TADA3: variants seen among roughly 807,000 people sequenced by gnomAD.
TADA3 encodes transcriptional adapter 3.
Under a neutral mutation model 43.2 loss-of-function variants are expected in TADA3, and 25 were observed. The ratio of observed to expected loss-of-function variants is 0.58; its 90% CI spans 0.42 to 0.81. TADA3 has a LOEUF of 0.81. Among genes scored for constraint, TADA3 ranks in the 30% least tolerant of loss-of-function variants. The pLI is 0.00. For missense variants in TADA3, 441 were observed against 567.8 expected (o/e 0.78, Z 2.27); for synonymous variants, 235 against 225.5 (o/e 1.04, Z -0.38).
chr3:9,787,430 C>T, intron 4 of TADA3, 90 bp from the exon 5 acceptor site: 1 of 1,497,186 alleles, frequency 6.7e-7, no homozygotes, highest in Non-Finnish European at 8.9e-7. Context: ...TTATATCTCT[C>T]TCAAGTCCCT....
chr3:9,791,634 G>A, intron 1 of TADA3, 141 bp from the exon 2 acceptor site: 1 of 577,002 alleles, frequency 1.7e-6, no homozygotes. Flanking sequence ...TACTCACAGG[G>A]CACTTAACTG....
Position 9,789,701 on chromosome 3 carries a change from C to G in TADA3, c.458+12G>C. The G allele has an allele frequency of 1.2e-6, 2 of 1,611,082 alleles. No individual in the cohort carries two copies. The highest frequency in any genetic ancestry group is 1.7e-6 in the Non-Finnish European group (2 of 1,177,828). On this transcript the variant is annotated intron_variant, in intron 3 of 8. Transcript: ENST00000301964. ...ACCTTGAGGCCCCCTTCTATGTTCT[C>G]TAGCCCAGAACCTGTTGGGGGCATC...
intron 4 of TADA3, 171 bp from the exon 5 acceptor site, chr3:9,787,511 T>G (rs2078644086): frequency 1.9e-6 from 2 of 1,051,192 alleles, no homozygotes; most frequent in Non-Finnish European, 2.7e-6. Flanking sequence ...TACTTCACAC[T>G]CTAGTAAGGG....
chr3:9,791,240 C>A lies in TADA3; in HGVS notation c.207+20G>T. On this transcript the variant is annotated intron_variant, in intron 2 of 8. Transcript: ENST00000301964. ...TGTTGCAGTCCATCTCTGGTGCTGGCCCCTCTCTGGGGTTATCACCTGGGT... is the reference window on the plus strand; with the variant it reads ...TGTTGCAGTCCATCTCTGGTGCTGGACCCTCTCTGGGGTTATCACCTGGGT... 1 of 1,602,228 alleles carries A rather than the reference C, an allele frequency of 6.2e-7. No homozygotes were observed. The highest frequency in any genetic ancestry group is 8.5e-7 in the Non-Finnish European group (1 of 1,174,170).
rs1303480280 is a variant in TADA3, at chr3:9,780,337, G to C, written c.*20C>G. 2 of 1,600,402 alleles carry C rather than the reference G, an allele frequency of 1.2e-6. No individual in the cohort carries two copies. Among genetic ancestry groups the C allele is most frequent in the South Asian group, 2.2e-5 (2 of 90,602 alleles). On this transcript the variant is annotated 3_prime_UTR_variant, in exon 9 of 9. Transcript: ENST00000301964. ...TCCCCTCCCCTAGGCCAGATAATCA[G>C]CCTGAGGCAGGGGTGAGGGCTACCC...
chr3:9,789,799 T>C lies in TADA3; in HGVS notation c.372A>G (p.Lys124=). The change falls in exon 3 of 9, where the codon AAA becomes AAG. Residue 124 remains lysine, a synonymous_variant. Coordinates refer to ENST00000301964, the MANE Select transcript of TADA3 (RefSeq NM_006354.5). ...PGPGPGRPKS[K]NLQPKIQEYE... ...ATTCCTGGATCTTGGGCTGAAGGTT[T>C]TTGGATTTGGGCCGTCCTGGGCCAG... 2 of 1,614,244 alleles carry C rather than the reference T, an allele frequency of 1.2e-6. No individual in the cohort carries two copies. The highest frequency in any genetic ancestry group is 1.7e-6 in the Non-Finnish European group (2 of 1,180,044).
chr3:9,791,551 TTC>T (rs1352889004), intron 1 of TADA3, 58 bp from the exon 2 acceptor site: 12 of 1,065,984 alleles, frequency 1.1e-5, no homozygotes, highest in Non-Finnish European at 1.6e-5. Context: ...GCCCAAGGGC[TTC>T]TTACCTCCAG....
rs372209371 is a variant in TADA3, at chr3:9,780,600, A to C, written c.1107-51T>G. ...CAGGGTCAGCCCACCTCCAGAGAAC[A>C]ACCCCTCCCTCTTCAAGACCGAGCC... On this transcript the variant is annotated intron_variant, in intron 8 of 8. Transcript: ENST00000301964. 2.2e-4 allele frequency: 334 copies of C among 1,541,438 alleles called. 1 individual carries two copies. Among genetic ancestry groups the C allele is most frequent in the Non-Finnish European group, 2.6e-4 (300 of 1,147,992 alleles).
At chr3:9,781,333 C>T (rs999992400) in intron 8 of TADA3, among the ~76,000 whole-genome samples, 1 of 151,444 alleles carries the variant, frequency 6.6e-6, no homozygotes, top group African/African-American at 2.4e-5. Context: ...ACAGGCACAC[C>T]CACTCTCTCT....
chr3:9,787,909 AG>A (rs2125624776), intron 4 of TADA3: 1 of 370,414 alleles, frequency 2.7e-6, no homozygotes, highest in South Asian at 2.1e-5. Context: ...GAGGGAGAGA[AG>A]AGCTTGCCAG....
upstream of TADA3, chr3:9,792,585 A>G: frequency 8.1e-7 from 1 of 1,229,372 alleles, no homozygotes; most frequent in Non-Finnish European, 1.0e-6. Context: ...AAGCCGCTAG[A>G]GGTGGGGTGC....
rs112652079 is a variant in TADA3, at chr3:9,785,258, G to C, written c.920+58C>G. ...ATGAGGACTTCCCCAGGTTGAGATG[G>C]AGAGAAGCCAACAGAAGCGGGGGCC... On this transcript the variant is annotated intron_variant, in intron 7 of 8. Transcript: ENST00000301964. 185 of 1,398,544 alleles carry C rather than the reference G, an allele frequency of 1.3e-4. 1 individual carries two copies. The African/African-American group carries it at 2.2e-3, about 17-fold the overall frequency. The allele number at this position is 1,398,544 out of a possible 1,614,324, so 86.6% of individuals were successfully genotyped here.
chr3:9,792,886 C>T (rs866110979), upstream of TADA3: 10 of 1,386,700 alleles, frequency 7.2e-6, no homozygotes, highest in African/African-American at 1.5e-5. Context: ...GCACCCATTC[C>T]TGGAGGAGCT....
chr3:9,792,573 C>G (rs1025553878), upstream of TADA3: 5 of 1,228,944 alleles, frequency 4.1e-6, no homozygotes, highest in Non-Finnish European at 5.1e-6. Context: ...GGGCCTCGAG[C>G]AAAGCCGCTA....
chr3:9,789,152 A>C (rs1162265257), intron 4 of TADA3, among the ~76,000 whole-genome samples: 1 of 152,172 alleles, frequency 6.6e-6, no homozygotes, highest in Non-Finnish European at 1.5e-5. Flanking sequence ...TTATATCTTA[A>C]AGAAAGAAGA....
At position 9,792,449 on chromosome 3, in the gene TADA3, C is replaced by A; in HGVS notation, c.-261G>T. On this transcript the variant is annotated 5_prime_UTR_variant, in exon 1 of 9. Coordinates refer to ENST00000301964, the MANE Select transcript of TADA3 (RefSeq NM_006354.5). Reference sequence around the variant, plus strand: ...GCGGGAGGGGGCGGGGAGTTCCGGTCGATGTGAGCAACCGCCCCGGAACTG... The same window carrying A: ...GCGGGAGGGGGCGGGGAGTTCCGGTAGATGTGAGCAACCGCCCCGGAACTG... 3.5e-6 allele frequency: 4 copies of A among 1,145,462 alleles called. No individual in the cohort carries two copies. Among genetic ancestry groups the A allele is most frequent in the Non-Finnish European group, 4.3e-6 (4 of 930,318 alleles). The allele number at this position is 1,145,462 out of a possible 1,614,324, so 71.0% of individuals were successfully genotyped here. A position where few individuals can be genotyped will look rare whatever the true frequency, so the allele number is the denominator to read the frequency against.
At chr3:9,785,500 A>T (rs1292851510) in intron 6 of TADA3, 75 bp from the exon 7 acceptor site, 1 of 1,002,796 alleles carries the variant, frequency 1.0e-6, no homozygotes, top group Non-Finnish European at 1.5e-6. Context: ...CTACACTGAC[A>T]GTCTTCAAAC....
chr3:9,785,270 C>G, intron 7 of TADA3, 46 bp downstream of exon 7: 1 of 1,499,266 alleles, frequency 6.7e-7, no homozygotes, highest in East Asian at 2.3e-5. Context: ...GAGAAGCCAA[C>G]AGAAGCGGGG....
Position 9,780,496 on chromosome 3 carries a change from G to C in TADA3, c.1160C>G (p.Ala387Gly), listed in dbSNP as rs2078433563. 6.2e-7 allele frequency: 1 copy of C among 1,609,288 alleles called. No homozygotes were observed. The highest frequency in any genetic ancestry group is 1.3e-5 in the African/African-American group (1 of 74,896). Reference sequence around the variant, plus strand: ...AAAGGCGTCCATGACCTCGTTGTCAGCCATGCGCACCCGCTGCCTCAGCTC... The same window carrying C: ...AAAGGCGTCCATGACCTCGTTGTCACCCATGCGCACCCGCTGCCTCAGCTC... ...RQELRQRVRM[A>G]DNEVMDAFRK... Residue 387 changes from alanine (A) to glycine (G), a missense_variant, in exon 9 of 9, where the codon GCT (alanine) becomes GGT (glycine). Ala to Gly is a moderately conservative substitution (Grantham distance 60). Coordinates refer to ENST00000301964, the MANE Select transcript of TADA3 (RefSeq NM_006354.5).
Sources: gnomAD v4.1 joint callset for allele counts (sites outside exome capture counted in the v4.1 genomes callset) on GRCh38, gnomAD v4.1.1 for gene constraint, MANE v1.5 for transcripts, NCBI Gene and HGNC (gene_info 2026-07-23, HGNC 2026-07-21) for gene names.